Variants in CLMP observed in about 807,000 individuals in gnomAD.
The protein encoded by CLMP is CXADR-like membrane protein.
A neutral mutation model predicts 45.2 loss-of-function variants in CLMP; 27 were observed. That is an observed-to-expected ratio of 0.60 (90% CI 0.44 to 0.82). The LOEUF is 0.82. Among genes scored for constraint, CLMP ranks in the 40% least tolerant of loss-of-function variants. CLMP has a pLI of 0.00. For synonymous variants in CLMP, 167 were observed against 171.4 expected (o/e 0.97, Z 0.20); for missense variants, 403 against 448.4 (o/e 0.90, Z 0.91).
At chr11:123,126,850 T>C (rs1860902871) in intron 1 of CLMP, among the ~76,000 whole-genome samples, 1 of 151,112 alleles carries the variant, frequency 6.6e-6, no homozygotes, top group Non-Finnish European at 1.5e-5. Context: ...TGAACCAGGA[T>C]GGCGCTACTG....
chr11:123,164,257 G>GT (rs1224846199), intron 1 of CLMP, among the ~76,000 whole-genome samples: 2 of 151,942 alleles, frequency 1.3e-5, no homozygotes, highest in African/African-American at 2.4e-5. Context: ...CCTAAAATAG[G>GT]GCCTCACAAT....
chr11:123,094,091 C>T (rs1865964055), intron 2 of CLMP, among the ~76,000 whole-genome samples: 1 of 152,142 alleles, frequency 6.6e-6, no homozygotes, highest in Non-Finnish European at 1.5e-5. Flanking sequence ...GCACTGAGGT[C>T]AGGGTGCCTA....
intron 2 of CLMP, among the ~76,000 whole-genome samples, chr11:123,088,136 CTGACTTCAGG>C (rs1424725036): frequency 4.6e-5 from 7 of 152,190 alleles, no homozygotes; most frequent in Admixed American, 2.0e-4. Context: ...TCTCGAACTC[CTGACTTCAGG>C]TGATCTGCCC....
intron 1 of CLMP, among the ~76,000 whole-genome samples, chr11:123,146,046 C>G (rs1297132039): frequency 3.3e-5 from 5 of 152,160 alleles, no homozygotes; most frequent in African/African-American, 9.7e-5. Context: ...GCTGTGTGCA[C>G]CATGGCTGCT....
At chr11:123,135,058 G>A (rs1231406044) in intron 1 of CLMP, among the ~76,000 whole-genome samples, 7 of 151,978 alleles carry the variant, frequency 4.6e-5, no homozygotes, top group African/African-American at 1.5e-4. Context: ...TCAGGAGTTC[G>A]AGACTAACCT....
chr11:123,148,180 TA>T (rs1184594305), intron 1 of CLMP, among the ~76,000 whole-genome samples: 1 of 152,202 alleles, frequency 6.6e-6, no homozygotes, highest in South Asian at 2.1e-4. Context: ...TGGCGTGTTT[TA>T]AGTGCTACGT....
chr11:123,097,496 C>T (rs1866004390), intron 2 of CLMP, among the ~76,000 whole-genome samples: 1 of 152,070 alleles, frequency 6.6e-6, no homozygotes, highest in African/African-American at 2.4e-5. Context: ...GGCCACCACA[C>T]CCGGCTATTA....
chr11:123,089,417 T>C (rs762442590), intron 2 of CLMP, among the ~76,000 whole-genome samples: 8 of 151,506 alleles, frequency 5.3e-5, no homozygotes, highest in Non-Finnish European at 8.8e-5. Context: ...TACTGAAACA[T>C]AAGTTTCATG....
chr11:123,166,102 A>C (rs1215143329), intron 1 of CLMP, among the ~76,000 whole-genome samples: 1 of 152,230 alleles, frequency 6.6e-6, no homozygotes, highest in South Asian at 2.1e-4. Context: ...CATGATTTGC[A>C]GCCACAATCC....
chr11:123,170,406 T>C (rs909232530), intron 1 of CLMP, among the ~76,000 whole-genome samples: 2 of 151,420 alleles, frequency 1.3e-5, no homozygotes, highest in African/African-American at 4.9e-5. Flanking sequence ...TTCCTCCTTT[T>C]GGCTAACTTA....
At chr11:123,167,567 G>T (rs1399101041) in intron 1 of CLMP, among the ~76,000 whole-genome samples, 1 of 152,092 alleles carries the variant, frequency 6.6e-6, no homozygotes, top group Non-Finnish European at 1.5e-5. Context: ...TTACAGGCAT[G>T]AGCCACCACG....
At chr11:123,090,465 A>G (rs964433303) in intron 2 of CLMP, among the ~76,000 whole-genome samples, 5 of 151,618 alleles carry the variant, frequency 3.3e-5, no homozygotes, top group African/African-American at 9.7e-5. Context: ...AGTGATTGGG[A>G]TTGCTGGCTG....
At chr11:123,145,994 G>C (rs1236410280) in intron 1 of CLMP, among the ~76,000 whole-genome samples, 2 of 152,208 alleles carry the variant, frequency 1.3e-5, no homozygotes, top group African/African-American at 4.8e-5. Flanking sequence ...GCTCCCAGCT[G>C]CTCATTAACG....
intron 1 of CLMP, among the ~76,000 whole-genome samples, chr11:123,150,174 T>C (rs1247167409): frequency 1.4e-5 from 2 of 145,988 alleles, no homozygotes; most frequent in Non-Finnish European, 3.0e-5. Context: ...TCAGAAGTAG[T>C]TGGAAAAAAA....
intron 2 of CLMP, among the ~76,000 whole-genome samples, chr11:123,095,756 T>C (rs1436462415): frequency 6.6e-6 from 1 of 152,096 alleles, no homozygotes; most frequent in African/African-American, 2.4e-5. Context: ...GGGTTTCTGA[T>C]TGAACCTGCT....
At chr11:123,126,506 C>G (rs1591468555) in intron 1 of CLMP, among the ~76,000 whole-genome samples, 1 of 152,146 alleles carries the variant, frequency 6.6e-6, no homozygotes, top group African/African-American at 2.4e-5. Context: ...AATGCTCCAG[C>G]CTCAGCGTTT....
chr11:123,108,247 T>C (rs942967432), intron 1 of CLMP, among the ~76,000 whole-genome samples: 2 of 152,224 alleles, frequency 1.3e-5, no homozygotes, highest in African/African-American at 2.4e-5. Context: ...AAGAAGACCA[T>C]ATTTACTATG....
At chr11:123,081,581 C>T (rs150819916) in intron 5 of CLMP, among the ~76,000 whole-genome samples, 11 of 152,232 alleles carry the variant, frequency 7.2e-5, no homozygotes, top group Admixed American at 2.6e-4. Flanking sequence ...TTCAGAAAAA[C>T]TCTAAGAGGC....
At chr11:123,118,989 CTT>C (rs1565387875) in intron 1 of CLMP, among the ~76,000 whole-genome samples, 61 of 45,020 alleles carry the variant, frequency 1.4e-3, no homozygotes, top group South Asian at 1.9e-3. Context: ...TTCTTTCTTT[CTT>C]TCTTTCTTTC....
Sources: gnomAD v4.1 joint callset for allele counts (sites outside exome capture counted in the v4.1 genomes callset) on GRCh38, gnomAD v4.1.1 for gene constraint, MANE v1.5 for transcripts, NCBI Gene and HGNC (gene_info 2026-07-23, HGNC 2026-07-21) for gene names.